The following EIF4G3 variants were observed in gnomAD, a reference collection of about 807,000 sequenced individuals.
The protein encoded by EIF4G3 is eukaryotic translation initiation factor 4 gamma 3.
Under a neutral mutation model 186.4 loss-of-function variants are expected in EIF4G3, and 34 were observed. That is an observed-to-expected ratio of 0.18 (90% CI 0.14 to 0.24). The LOEUF is 0.24. EIF4G3 is among the 10% of genes least tolerant of loss of function. The pLI is 1.00. For missense variants in EIF4G3, 1,536 were observed against 1,948.5 expected, an observed-to-expected ratio of 0.79 and a Z score of 3.99; for synonymous variants, 673 against 679.5, an observed-to-expected ratio of 0.99 and a Z score of 0.15.
chr1:20,980,988 G>A (rs2077834000), intron 9 of EIF4G3, 60 bp downstream of exon 9: 2 of 1,335,512 alleles, frequency 1.5e-6, no homozygotes, highest in South Asian at 2.0e-5. Context: ...TCCCTCTGAT[G>A]TGAATCCGGG....
At chr1:20,848,348 T>C (rs1202264622) in intron 29 of EIF4G3, among the ~76,000 whole-genome samples, 1 of 152,218 alleles carries the variant, frequency 6.6e-6, no homozygotes, top group Non-Finnish European at 1.5e-5. Flanking sequence ...ACAAATACTT[T>C]AACAGATAAG....
intron 12 of EIF4G3, among the ~76,000 whole-genome samples, chr1:20,958,836 CT>C (rs1438700564): frequency 6.6e-6 from 1 of 152,018 alleles, no homozygotes; most frequent in African/African-American, 2.4e-5. Context: ...TAGGAATATA[CT>C]TAACTAAGGA....
At position 20,807,207 on chromosome 1, in the gene EIF4G3, G is replaced by T. The variant is rs907719117; in HGVS notation, c.*112C>A. On this transcript the variant is annotated 3_prime_UTR_variant, in exon 37 of 37. Transcript: ENST00000602326. ...TTTCCCCTCTCCCACTCGTGCACAC[G>T]TGGGGGTTTCTGCGAGAATTGGCCT... 2 of 947,458 alleles carry T rather than the reference G, an allele frequency of 2.1e-6. No homozygotes were observed. Among genetic ancestry groups the T allele is most frequent in the Non-Finnish European group, 3.1e-6 (2 of 646,246 alleles). The allele number at this position is 947,458 out of a possible 1,614,324, so 58.7% of individuals were successfully genotyped here. A position where few individuals can be genotyped will look rare whatever the true frequency, so the allele number is the denominator to read the frequency against.
At chr1:21,069,473 T>C (rs1187494194) in intron 3 of EIF4G3, among the ~76,000 whole-genome samples, 2 of 152,224 alleles carry the variant, frequency 1.3e-5, no homozygotes, top group African/African-American at 2.4e-5. Flanking sequence ...CCACCACTGC[T>C]TTCTCACATT....
intron 7 of EIF4G3, among the ~76,000 whole-genome samples, chr1:20,994,336 C>T (rs1266019896): frequency 1.3e-5 from 2 of 152,202 alleles, no homozygotes; most frequent in Non-Finnish European, 2.9e-5. Flanking sequence ...AGCTATGCCA[C>T]TCCAACCCCA....
At chr1:21,008,968 A>C (rs1453464133) in intron 4 of EIF4G3, among the ~76,000 whole-genome samples, 1 of 152,216 alleles carries the variant, frequency 6.6e-6, no homozygotes, top group Non-Finnish European at 1.5e-5. Flanking sequence ...GGAATGTAAA[A>C]TTTGAAATTG....
intron 3 of EIF4G3, among the ~76,000 whole-genome samples, chr1:21,070,080 G>A (rs1008603778): frequency 2.0e-5 from 3 of 151,972 alleles, no homozygotes; most frequent in Non-Finnish European, 2.9e-5. Flanking sequence ...AAAGGAAAAC[G>A]GCAAGCCACA....
intron 14 of EIF4G3, among the ~76,000 whole-genome samples, chr1:20,911,560 C>CAAA (rs60071144): frequency 3.4e-4 from 14 of 40,716 alleles, no homozygotes; most frequent in Non-Finnish European, 4.1e-4. Context: ...GACCCTGCCT[C>CAAA]AAAAAAAAAA....
chr1:21,156,915 A>G (rs986723097), intron 2 of EIF4G3, among the ~76,000 whole-genome samples: 4 of 152,060 alleles, frequency 2.6e-5, no homozygotes, highest in Admixed American at 6.6e-5. Context: ...TCTCTACAAA[A>G]TATCAACCTG....
At chr1:21,116,682 T>A (rs1235800881) in intron 2 of EIF4G3, among the ~76,000 whole-genome samples, 1 of 151,332 alleles carries the variant, frequency 6.6e-6, no homozygotes, top group Non-Finnish European at 1.5e-5. Flanking sequence ...CTACTAAAAA[T>A]ACAAAAATTA....
Position 21,090,097 on chromosome 1 carries a change from C to A in EIF4G3, c.-271-884G>T, listed in dbSNP as rs192857963. On this transcript the variant is annotated intron_variant, in intron 2 of 36. Transcript: ENST00000602326. Reference sequence around the variant, plus strand: ...CATGATTGAAATACAGTAGTACATCCACTTGATATTTCTGTATTTCAAATT... The same window carrying A: ...CATGATTGAAATACAGTAGTACATCAACTTGATATTTCTGTATTTCAAATT... 4.3e-4 allele frequency among the ~76,000 whole-genome samples: 66 copies of A among 152,250 alleles called. No individual in the cohort carries two copies. The East Asian group carries it at 6.9e-3, about 16-fold the overall frequency.
At chr1:21,102,540 T>C (rs2096546591) in intron 2 of EIF4G3, among the ~76,000 whole-genome samples, 1 of 152,192 alleles carries the variant, frequency 6.6e-6, no homozygotes, top group South Asian at 2.1e-4. Flanking sequence ...GAGACATTCT[T>C]AAAATCATCA....
At chr1:20,840,745 A>G in intron 30 of EIF4G3, 111 bp downstream of exon 30, 1 of 977,724 alleles carries the variant, frequency 1.0e-6, no homozygotes, top group Non-Finnish European at 1.5e-6. Context: ...TACAGTGGAT[A>G]CAATTTTCAT....
intron 4 of EIF4G3, among the ~76,000 whole-genome samples, chr1:21,010,446 A>G (rs953753567): frequency 6.9e-6 from 1 of 143,984 alleles, no homozygotes; most frequent in Non-Finnish European, 1.6e-5. Context: ...AAGAAAAAGA[A>G]AAAGAAAGAA....
intron 15 of EIF4G3, among the ~76,000 whole-genome samples, chr1:20,900,512 TAA>T (rs5772923): frequency 3.6e-4 from 44 of 122,910 alleles, no homozygotes; most frequent in South Asian, 1.0e-3. Context: ...ATCTTGTATA[TAA>T]AAAAAAAAAA....
chr1:20,991,522 C>T (rs78013356), intron 7 of EIF4G3, among the ~76,000 whole-genome samples: 4,406 of 151,370 alleles, frequency 0.029, 142 homozygotes, highest in East Asian at 0.14. Flanking sequence ...GAGCTGAGAT[C>T]GTGCCACTGC....
chr1:20,850,838 C>T (rs773767519), intron 28 of EIF4G3, among the ~76,000 whole-genome samples: 21 of 152,114 alleles, frequency 1.4e-4, no homozygotes, highest in Admixed American at 5.2e-4. Context: ...CAGGTTACCA[C>T]GGAAGATGAA....
chr1:21,010,816 G>A (rs972705913), intron 4 of EIF4G3, among the ~76,000 whole-genome samples: 2 of 152,126 alleles, frequency 1.3e-5, no homozygotes, highest in African/African-American at 2.4e-5. Flanking sequence ...AATATAAAAC[G>A]CTGGAGACAG....
chr1:21,123,358 T>C (rs1041557195), intron 2 of EIF4G3, among the ~76,000 whole-genome samples: 2 of 149,230 alleles, frequency 1.3e-5, no homozygotes, highest in Non-Finnish European at 3.0e-5. Flanking sequence ...AGACCAGGAG[T>C]TCAATACCAG....
Sources: allele counts gnomAD v4.1 joint callset (sites outside exome capture counted in the v4.1 genomes callset), GRCh38; gene constraint gnomAD v4.1.1; transcripts MANE v1.5; gene names NCBI Gene and HGNC (gene_info 2026-07-23, HGNC 2026-07-21).